TSPAN7: variants seen among roughly 807,000 people sequenced by gnomAD.
The protein encoded by TSPAN7 is tetraspanin-7.
TSPAN7 carries 1 observed loss-of-function variant against 17.6 expected under a neutral mutation model. The observed-to-expected ratio is 0.06, with a 90% CI of 0.02 to 0.27. TSPAN7 has a LOEUF of 0.27. Ranked by LOEUF, TSPAN7 falls within the 10% of genes least tolerant of loss-of-function variation. The pLI is 1.00. For missense variants in TSPAN7, 112 were observed against 201.7 expected (o/e 0.56, Z 2.69); for synonymous variants, 78 against 79.0 (o/e 0.99, Z 0.07).
rs1394139477 is a variant in TSPAN7 at position 38,612,702 on chromosome X, C to G, written c.81+51075C>G. 2.2e-4 allele frequency: 25 copies of G among 111,906 alleles called. No individual in the cohort carries two copies. The Admixed American group carries it at 2.4e-3, about 11-fold the overall frequency. 9.2% of individuals were successfully genotyped at this position (111,906 alleles called of 1,213,427 possible). Reference sequence around the variant, plus strand: ...CGAGGCCTTGCATACCTGAAAATGTCTATTCTACTATCATACGTGGTGGGA... The same window carrying G: ...CGAGGCCTTGCATACCTGAAAATGTGTATTCTACTATCATACGTGGTGGGA... On this transcript the variant is annotated intron_variant, in intron 1 of 7. Transcript: ENST00000378482.
intron 5 of TSPAN7, among the ~76,000 whole-genome samples, chrX:38,678,438 C>A (rs2069868663): frequency 8.9e-6 from 1 of 112,044 alleles, no homozygotes; most frequent in African/African-American, 3.2e-5. Context: ...CTTAGCAGGT[C>A]TGTGTAGATT....
chrX:38,598,042 G>A (rs916615477), intron 1 of TSPAN7, among the ~76,000 whole-genome samples: 3 of 111,394 alleles, frequency 2.7e-5, no homozygotes, highest in Non-Finnish European at 3.8e-5. Context: ...CAATGTGTAT[G>A]TTAAGCTCAT....
At chrX:38,593,078 T>C (rs966832223) in intron 1 of TSPAN7, among the ~76,000 whole-genome samples, 6 of 111,333 alleles carry the variant, frequency 5.4e-5, no homozygotes, top group African/African-American at 2.0e-4. Context: ...TTAAAGATGT[T>C]TCTCCTAGAT....
intron 1 of TSPAN7, among the ~76,000 whole-genome samples, chrX:38,645,983 G>T (rs1281069724): frequency 8.9e-6 from 1 of 111,818 alleles, no homozygotes; most frequent in Non-Finnish European, 1.9e-5. Context: ...GAACCTGAAA[G>T]TATAGGGTTG....
intron 1 of TSPAN7, among the ~76,000 whole-genome samples, chrX:38,613,031 C>G (rs191512023): frequency 1.1e-3 from 127 of 111,703 alleles, no homozygotes; most frequent in African/African-American, 4.1e-3. Context: ...ATTTTTGAAA[C>G]ATTTATTCTC....
At chrX:38,675,586 C>G (rs1032989214) in intron 4 of TSPAN7, 119 bp from the exon 5 acceptor site, 23 of 851,460 alleles carry the variant, frequency 2.7e-5, no homozygotes, top group Non-Finnish European at 3.4e-5. Context: ...CTCACCAAAG[C>G]TGCACATGTT....
intron 1 of TSPAN7, among the ~76,000 whole-genome samples, chrX:38,575,546 CG>C (rs1200769146): frequency 1.8e-5 from 2 of 111,395 alleles, no homozygotes; most frequent in Admixed American, 9.5e-5. Flanking sequence ...CCTGATACTA[CG>C]GGATATCTAT....
chrX:38,685,964 A>G (rs2069924595), intron 6 of TSPAN7, among the ~76,000 whole-genome samples: 1 of 112,127 alleles, frequency 8.9e-6, no homozygotes, highest in Admixed American at 9.4e-5. Flanking sequence ...GATTTTTGAC[A>G]TTATCAAGTG....
At chrX:38,650,256 C>T (rs2147440504) in intron 1 of TSPAN7, among the ~76,000 whole-genome samples, 1 of 112,650 alleles carries the variant, frequency 8.9e-6, no homozygotes, top group East Asian at 2.8e-4. Flanking sequence ...TGTATCATCT[C>T]TTGCTAGTAG....
chrX:38,574,709 T>C (rs1334237590), intron 1 of TSPAN7, among the ~76,000 whole-genome samples: 2 of 111,131 alleles, frequency 1.8e-5, no homozygotes, highest in African/African-American at 6.5e-5. Context: ...AGATGGTACT[T>C]GATAAAACTG....
chrX:38,646,812 A>G (rs1388426786), intron 1 of TSPAN7, among the ~76,000 whole-genome samples: 1 of 112,306 alleles, frequency 8.9e-6, no homozygotes, highest in African/African-American at 3.2e-5. Context: ...TATGTACTTC[A>G]TTGCTTTTAT....
intron 1 of TSPAN7, among the ~76,000 whole-genome samples, chrX:38,653,327 C>T (rs751234858): frequency 2.7e-5 from 3 of 111,432 alleles, no homozygotes; most frequent in Admixed American, 9.5e-5. Context: ...TGAGCAGATA[C>T]GATGCGGTTG....
At chrX:38,687,486 G>A (rs1039963947) in intron 6 of TSPAN7, 113 bp from the exon 7 acceptor site, 15 of 636,119 alleles carry the variant, frequency 2.4e-5, no homozygotes, top group East Asian at 3.8e-5. Context: ...CTAGTGATAC[G>A]CATATGTCAA....
intron 6 of TSPAN7, among the ~76,000 whole-genome samples, chrX:38,685,652 C>A (rs907840238): frequency 1.8e-5 from 2 of 111,338 alleles, no homozygotes; most frequent in African/African-American, 3.3e-5. Context: ...TGGATTCAAC[C>A]AACTATGGAT....
rs1006365670 is a variant in TSPAN7, at chrX:38,563,250, C to T, written c.81+1623C>T. ...AAACGGACTTTATTTGGACTGACAA[C>T]GACACAGGTTGAAATGTCTCAGTAG... On this transcript the variant is annotated intron_variant, in intron 1 of 7. Transcript: ENST00000378482. The T allele has an allele frequency of 1.8e-5, 10 of 554,388 alleles. No individual in the cohort carries two copies. In the Middle Eastern group the frequency reaches 3.2e-3, roughly 175 times the overall value. 45.7% of individuals were successfully genotyped at this position (554,388 alleles called of 1,213,427 possible).
Position 38,666,324 on chromosome X carries a change from A to G in TSPAN7, c.270+15A>G. The G allele has an allele frequency of 8.3e-7, 1 of 1,199,458 alleles. No homozygotes were observed. Among genetic ancestry groups the G allele is most frequent in the Non-Finnish European group, 1.1e-6 (1 of 884,142 alleles). ...TGCTGAAACTGGTGAGTATGTCACA[A>G]CATAATACTGCTTTCTCAACTATAT... On this transcript the variant is annotated intron_variant, in intron 2 of 7. Coordinates refer to ENST00000378482, the MANE Select transcript of TSPAN7 (RefSeq NM_004615.4).
chrX:38,633,445 T>C (rs1014746462), intron 1 of TSPAN7, among the ~76,000 whole-genome samples: 1 of 112,163 alleles, frequency 8.9e-6, no homozygotes, highest in Non-Finnish European at 1.9e-5. Flanking sequence ...ACATCCTTAA[T>C]TGATTATTTT....
At chrX:38,634,804 A>G (rs2069570344) in intron 1 of TSPAN7, among the ~76,000 whole-genome samples, 1 of 111,151 alleles carries the variant, frequency 9.0e-6, no homozygotes, top group Non-Finnish European at 1.9e-5. Context: ...TCTCAGGGGT[A>G]TGAGAAAATT....
At chrX:38,616,093 C>G (rs1405386330) in intron 1 of TSPAN7, among the ~76,000 whole-genome samples, 1 of 112,211 alleles carries the variant, frequency 8.9e-6, no homozygotes, top group Non-Finnish European at 1.9e-5. Flanking sequence ...ACATCAGAGG[C>G]CTACTGTGGC....
Sources: allele counts gnomAD v4.1 joint callset (sites outside exome capture counted in the v4.1 genomes callset), GRCh38; gene constraint gnomAD v4.1.1; transcripts MANE v1.5; gene names NCBI Gene and HGNC (gene_info 2026-07-23, HGNC 2026-07-21).